SRSF7: variants seen among roughly 807,000 people sequenced by gnomAD.
The protein encoded by SRSF7 is serine/arginine-rich splicing factor 7.
In SRSF7, 15 loss-of-function variants were observed where a neutral mutation model predicts 42.2. The ratio of observed to expected loss-of-function variants is 0.36; its 90% CI spans 0.24 to 0.55. The LOEUF (loss-of-function observed/expected upper bound fraction) is 0.55. SRSF7 is among the 20% of genes least tolerant of loss of function. The pLI is 0.88. For missense variants in SRSF7, 181 were observed against 305.9 expected (o/e 0.59, Z 3.04); for synonymous variants, 138 against 107.9 (o/e 1.28, Z -1.73).
In SRSF7 at chr2:38,746,658, T is replaced by C. The variant is rs748977013; in HGVS notation, c.626+36A>G. 13 of 1,610,428 alleles carry C rather than the reference T, an allele frequency of 8.1e-6. No homozygotes were observed. In the East Asian group the frequency reaches 2.0e-4, roughly 25 times the overall value. On this transcript the variant is annotated intron_variant, in intron 6 of 7. Transcript: ENST00000313117. ...TTGAACTCTTTGGATATTGGTGCCA[T>C]ATAACTAGAAAAGCATAATCAAATT...
intron 5 of SRSF7, 79 bp downstream of exon 5, chr2:38,747,968 T>C: frequency 1.0e-6 from 1 of 989,086 alleles, no homozygotes; most frequent in Non-Finnish European, 1.5e-6. Context: ...AGCAATCCAT[T>C]TGAATTATGT....
At chr2:38,750,974 C>A (rs1255017734) in intron 1 of SRSF7, 3 of 436,402 alleles carry the variant, frequency 6.9e-6, no homozygotes, top group African/African-American at 6.0e-5. Flanking sequence ...ACGCGAAAAC[C>A]GTCATCTCAA....
At chr2:38,746,899 C>CA (rs1378493929) in intron 5 of SRSF7, 152 bp from the exon 6 acceptor site, 4 of 1,325,818 alleles carry the variant, frequency 3.0e-6, no homozygotes, top group Admixed American at 2.5e-5. Context: ...CACTGTCAAA[C>CA]AAAGTGTTAC....
intron 5 of SRSF7, 29 bp from the exon 6 acceptor site, chr2:38,746,776 A>T (rs779502840): frequency 1.1e-5 from 17 of 1,612,680 alleles, no homozygotes; most frequent in Non-Finnish European, 1.4e-5. Flanking sequence ...AAACACAATT[A>T]TATCAATCAG....
chr2:38,751,489 G>A (rs1668357950), upstream of SRSF7: 4 of 577,218 alleles, frequency 6.9e-6, no homozygotes, highest in African/African-American at 3.8e-5. Context: ...AGGAACTGAA[G>A]AGACTAACAC....
chr2:38,749,069 G>A, intron 3 of SRSF7: 1 of 1,306,166 alleles, frequency 7.7e-7, no homozygotes, highest in Non-Finnish European at 1.0e-6. Context: ...GATTTTTCTA[G>A]TTGGGAATGT....
At chr2:38,750,519 G>C (rs968411474) in intron 1 of SRSF7, among the ~76,000 whole-genome samples, 3 of 151,734 alleles carry the variant, frequency 2.0e-5, no homozygotes, top group Admixed American at 6.6e-5. Flanking sequence ...GGCGCACCGG[G>C]AGCGCGCGGG....
rs549257454 is a variant in SRSF7 at position 38,745,324 on chromosome 2, C to G, written c.663-137G>C. ...GCAAAGACCTAAAAATGACATGAAA[C>G]TTACATATATTCATCTTTTGTCCCT... On this transcript the variant is annotated intron_variant, in intron 7 of 7. Coordinates refer to ENST00000313117, the MANE Select transcript of SRSF7 (RefSeq NM_001031684.3). 1.0e-5 allele frequency: 9 copies of G among 865,750 alleles called. No individual in the cohort carries two copies. The African/African-American group carries it at 1.5e-4, about 15-fold the overall frequency. 53.6% of individuals were successfully genotyped at this position (865,750 alleles called of 1,614,324 possible).
At chr2:38,751,019 C>A in intron 1 of SRSF7, 1 of 595,404 alleles carries the variant, frequency 1.7e-6, no homozygotes, top group Admixed American at 2.9e-5. Context: ...ACAAAAATGC[C>A]CAAGAGTACG....
intron 5 of SRSF7, 25 bp from the exon 6 acceptor site, chr2:38,746,772 A>G: frequency 6.2e-7 from 1 of 1,612,954 alleles, no homozygotes; most frequent in East Asian, 2.2e-5. Context: ...TGAAAAACAC[A>G]ATTATATCAA....
rs866356961 is a variant in SRSF7, at chr2:38,745,299, G to A, written c.663-112C>T. On this transcript the variant is annotated intron_variant, in intron 7 of 7. Transcript: ENST00000313117. ...TGGCCTAAGGTACTAATTTCCTATA[G>A]CAAAGACCTAAAAATGACATGAAAC... 4.1e-5 allele frequency: 43 copies of A among 1,042,534 alleles called. No individual in the cohort carries two copies. The Middle Eastern group carries it at 6.3e-4, about 15-fold the overall frequency. The allele number at this position is 1,042,534 out of a possible 1,614,324, so 64.6% of individuals were successfully genotyped here.
At position 38,748,173 on chromosome 2, in the gene SRSF7, T is replaced by G; in HGVS notation, c.462-16A>C. On this transcript the variant is annotated splice_polypyrimidine_tract_variant and intron_variant, in intron 4 of 7. Coordinates refer to ENST00000313117, the MANE Select transcript of SRSF7 (RefSeq NM_001031684.3). ...TGACCTTGACCTAAAATAAAGAACT[T>G]TAAGTCCATCTCCACAGTTTTTTTT... 1 of 1,595,284 alleles carries G rather than the reference T, an allele frequency of 6.3e-7. No individual in the cohort carries two copies. Among genetic ancestry groups the G allele is most frequent in the Non-Finnish European group, 8.5e-7 (1 of 1,170,154 alleles).
intron 3 of SRSF7, chr2:38,749,191 A>G (rs1338919223): frequency 7.5e-7 from 1 of 1,335,848 alleles, no homozygotes; most frequent in Non-Finnish European, 9.9e-7. Context: ...GAATAAGGTG[A>G]AGCTAGGTGT....
At chr2:38,750,241 C>T in intron 1 of SRSF7, 47 bp from the exon 2 acceptor site, 11 of 1,543,996 alleles carry the variant, frequency 7.1e-6, no homozygotes, top group Non-Finnish European at 9.6e-6. Context: ...CAAAATCTGG[C>T]CCAAGTTTCA....
intron 6 of SRSF7, 50 bp from the exon 7 acceptor site, chr2:38,746,229 T>G (rs1443315607): frequency 6.2e-7 from 1 of 1,600,286 alleles, no homozygotes; most frequent in Admixed American, 1.7e-5. Flanking sequence ...AACCAATCCC[T>G]TTCTTGTAGT....
In SRSF7 at chr2:38,747,236, T is replaced by C. The variant is rs577361237; in HGVS notation, c.573-489A>G. ...CCATTTGTAAGGCTTTATTCCTGGA[T>C]CAAGTTATGTTTGAGAGCCATCAAT... On this transcript the variant is annotated intron_variant, in intron 5 of 7. Transcript: ENST00000313117. 9 of 347,698 alleles carry C rather than the reference T, an allele frequency of 2.6e-5. No individual in the cohort carries two copies. In the East Asian group the frequency reaches 6.8e-4, roughly 26 times the overall value. 21.5% of individuals were successfully genotyped at this position (347,698 alleles called of 1,614,324 possible).
Position 38,748,671 on chromosome 2 carries a change from G to GA in SRSF7, c.387-19dup. 3.7e-6 allele frequency: 6 copies of GA among 1,612,366 alleles called. No homozygotes were observed. The African/African-American group carries it at 4.0e-5, about 11-fold the overall frequency. ...ACCGTGACCTATTTTTCAAGTTAGA[G>GA]AAAAAACAAAATGTCAGACAATAAC... On this transcript the variant is annotated intron_variant, in intron 3 of 7. Transcript: ENST00000313117.
At chr2:38,748,493 C>CAA (rs1208258829) in intron 4 of SRSF7, 86 bp downstream of exon 4, 1 of 1,412,348 alleles carries the variant, frequency 7.1e-7, no homozygotes, top group Non-Finnish European at 9.9e-7. Context: ...ACCCTGTCTC[C>CAA]AAAAAAAATA....
At chr2:38,745,447 A>C (rs888345209) in intron 7 of SRSF7, among the ~76,000 whole-genome samples, 3 of 150,290 alleles carry the variant, frequency 2.0e-5, no homozygotes, top group Non-Finnish European at 4.5e-5. Context: ...TAAGATCAGG[A>C]GTTTAAGACC....
Sources: gnomAD v4.1 joint callset for allele counts (sites outside exome capture counted in the v4.1 genomes callset) on GRCh38, gnomAD v4.1.1 for gene constraint, MANE v1.5 for transcripts, NCBI Gene and HGNC (gene_info 2026-07-23, HGNC 2026-07-21) for gene names.